Variants in NFATC1 observed in about 807,000 individuals in gnomAD.
NFATC1 encodes the protein nuclear factor of activated T-cells, cytoplasmic 1.
A neutral mutation model predicts 76.0 loss-of-function variants in NFATC1; 22 were observed. The ratio of observed to expected loss-of-function variants is 0.29; its 90% CI spans 0.21 to 0.41. NFATC1 has a LOEUF of 0.41. Among genes scored for constraint, NFATC1 ranks in the 10% least tolerant of loss-of-function variants. NFATC1 has a pLI of 1.00. For synonymous variants in NFATC1, 704 were observed against 613.1 expected (o/e 1.15, Z -2.19); for missense variants, 1,357 against 1,337.7 (o/e 1.01, Z -0.23).
intron 9 of NFATC1, among the ~76,000 whole-genome samples, chr18:79,492,040 C>T (rs114538975): frequency 8.1e-4 from 124 of 152,302 alleles, no homozygotes; most frequent in African/African-American, 2.8e-3. Flanking sequence ...TTTTTCTGTG[C>T]GTAGTGGTTT....
At chr18:79,495,233 G>A (rs191910306) in intron 9 of NFATC1, among the ~76,000 whole-genome samples, 10 of 152,374 alleles carry the variant, frequency 6.6e-5, no homozygotes, top group East Asian at 1.9e-4. Context: ...AGGTGGGCAC[G>A]GGAGAAAGGA....
chr18:79,421,712 C>G (rs1383475636), intron 2 of NFATC1: 2 of 152,334 alleles, frequency 1.3e-5, no homozygotes, highest in Non-Finnish European at 2.9e-5. Context: ...TGTCCACAAG[C>G]TGCGTTGCAG....
chr18:79,499,249 A>G (rs1047683545), intron 9 of NFATC1, among the ~76,000 whole-genome samples: 76 of 152,256 alleles, frequency 5.0e-4, no homozygotes, highest in Admixed American at 4.7e-3. Context: ...GTCTTTACAT[A>G]TTATTAGAAC....
intron 6 of NFATC1, chr18:79,452,084 G>T: frequency 3.0e-6 from 1 of 338,496 alleles, no homozygotes; most frequent in Non-Finnish European, 5.3e-6. Context: ...CTGATACTCA[G>T]GGAGCCCACG....
At chr18:79,444,442 C>T (rs948762188) in intron 3 of NFATC1, among the ~76,000 whole-genome samples, 2 of 114,864 alleles carry the variant, frequency 1.7e-5, no homozygotes, top group Admixed American at 8.3e-5. Context: ...CCCGAGCCCA[C>T]GCTGCTCTGG....
intron 8 of NFATC1, chr18:79,467,912 T>G: frequency 8.8e-6 from 10 of 1,130,446 alleles, no homozygotes; most frequent in East Asian, 6.7e-5. Context: ...TGGTGTGCAT[T>G]TGCACCCTAA....
intron 3 of NFATC1, among the ~76,000 whole-genome samples, chr18:79,436,515 T>C (rs62096884): frequency 0.37 from 56,347 of 151,010 alleles, 12,754 homozygotes; most frequent in South Asian, 0.58. Context: ...CCGCGCCCGG[T>C]ATCCCCGTCC....
At chr18:79,522,591 C>T (rs2090641944) in intron 9 of NFATC1, among the ~76,000 whole-genome samples, 1 of 152,006 alleles carries the variant, frequency 6.6e-6, no homozygotes, top group African/African-American at 2.4e-5. Context: ...AAGGCGCACA[C>T]CGCAGGAAAG....
chr18:79,482,401 C>G (rs2089313033), intron 8 of NFATC1, among the ~76,000 whole-genome samples: 1 of 134,510 alleles, frequency 7.4e-6, no homozygotes, highest in African/African-American at 2.9e-5. Context: ...TCCAGCATGA[C>G]CTGGTTCCTG....
intron 1 of NFATC1, among the ~76,000 whole-genome samples, chr18:79,398,672 C>T (rs534219069): frequency 6.6e-6 from 1 of 152,368 alleles, no homozygotes; most frequent in Admixed American, 6.5e-5. Flanking sequence ...GGGCCACCAG[C>T]AGGCGGGACA....
chr18:79,455,914 C>T (rs2087701891), intron 6 of NFATC1, among the ~76,000 whole-genome samples: 1 of 152,208 alleles, frequency 6.6e-6, no homozygotes, highest in African/African-American at 2.4e-5. Context: ...CACACAGCAG[C>T]AGGCGGAGGG....
chr18:79,469,358 T>C (rs2088679876), intron 8 of NFATC1: 1 of 985,466 alleles, frequency 1.0e-6, no homozygotes, highest in Non-Finnish European at 1.2e-6. Context: ...TGAGCAGCAC[T>C]GACTTTAGCA....
chr18:79,404,021 T>G (rs2148150535), intron 1 of NFATC1, among the ~76,000 whole-genome samples: 1 of 152,324 alleles, frequency 6.6e-6, no homozygotes, highest in African/African-American at 2.4e-5. Flanking sequence ...GAGGGTGGAG[T>G]TACCTGGCAG....
intron 9 of NFATC1, among the ~76,000 whole-genome samples, chr18:79,518,967 G>T (rs535091044): frequency 6.6e-6 from 1 of 152,206 alleles, no homozygotes; most frequent in Admixed American, 6.5e-5. Context: ...GCAGAACGGG[G>T]TCTCAGTCAA....
chr18:79,411,575 C>G, intron 2 of NFATC1, 74 bp downstream of exon 2: 29 of 716,916 alleles, frequency 4.0e-5, no homozygotes, highest in South Asian at 5.7e-5. Context: ...GGGAGCGGGA[C>G]GGGGGGCGGC....
intron 3 of NFATC1, among the ~76,000 whole-genome samples, chr18:79,437,461 C>G (rs1568960993): frequency 6.6e-6 from 1 of 152,226 alleles, no homozygotes; most frequent in Non-Finnish European, 1.5e-5. Context: ...GCCACCAGTT[C>G]TCGGTGGGCC....
intron 4 of NFATC1, among the ~76,000 whole-genome samples, chr18:79,450,748 G>A (rs991744971): frequency 6.6e-6 from 1 of 152,194 alleles, no homozygotes; most frequent in African/African-American, 2.4e-5. Flanking sequence ...CCTCGCCTGC[G>A]CCAATGTCAG....
intron 9 of NFATC1, among the ~76,000 whole-genome samples, chr18:79,501,249 A>G (rs2090006296): frequency 6.6e-6 from 1 of 152,246 alleles, no homozygotes; most frequent in Non-Finnish European, 1.5e-5. Flanking sequence ...CAATAAATGC[A>G]AGAAAAAAAG....
rs1387844139 is a variant in NFATC1 at position 79,448,993 on chromosome 18, CG to C, written c.1589+14del. Reference sequence around the variant, plus strand: ...AACAGCATGCGAGCCGTGTAAGCCGCGGGGGACCTCCGGCCTCTGGCAGGGG... The same window carrying C: ...AACAGCATGCGAGCCGTGTAAGCCGCGGGGACCTCCGGCCTCTGGCAGGGG... On this transcript the variant is annotated intron_variant, in intron 4 of 9. Transcript: ENST00000427363. 2 of 1,612,256 alleles carry C rather than the reference CG, an allele frequency of 1.2e-6. No individual in the cohort carries two copies. Among genetic ancestry groups the C allele is most frequent in the East Asian group, 4.5e-5 (2 of 44,856 alleles).
Sources: allele counts gnomAD v4.1 joint callset (sites outside exome capture counted in the v4.1 genomes callset), GRCh38; gene constraint gnomAD v4.1.1; transcripts MANE v1.5; gene names NCBI Gene and HGNC (gene_info 2026-07-23, HGNC 2026-07-21).